FAM118B: variants seen among roughly 807,000 people sequenced by gnomAD.
FAM118B encodes protein FAM118B.
FAM118B carries 24 observed loss-of-function variants against 38.5 expected under a neutral mutation model. That is an observed-to-expected ratio of 0.62 (90% CI 0.45 to 0.88). FAM118B has a LOEUF of 0.88. Ranked by LOEUF, FAM118B falls within the 40% of genes least tolerant of loss-of-function variation. The pLI, the probability that FAM118B is intolerant of heterozygous loss-of-function variation, is 0.00. For missense variants in FAM118B, 334 were observed against 420.0 expected (o/e 0.80, Z 1.79); for synonymous variants, 138 against 156.3 (o/e 0.88, Z 0.87).
At chr11:126,248,801 T>A (rs901613522) in intron 4 of FAM118B, among the ~76,000 whole-genome samples, 5 of 152,176 alleles carry the variant, frequency 3.3e-5, no homozygotes, top group Admixed American at 3.3e-4. Context: ...CCAACACAGT[T>A]CCGTTGGGGT....
At position 126,229,287 on chromosome 11, in the gene FAM118B, TTGCAC is replaced by T. The variant is rs1950179747; in HGVS notation, c.-13_-9del. ...TGACAAAGAAAGAAGTTGTCATTCTTTGCACGGTAAAATCATCACCTCCAGTCACC... is the reference window on the plus strand; with the variant it reads ...TGACAAAGAAAGAAGTTGTCATTCTTGGTAAAATCATCACCTCCAGTCACC... On this transcript the variant is annotated splice_region_variant and 5_prime_UTR_variant, in exon 2 of 9. Coordinates refer to ENST00000533050, the MANE Select transcript of FAM118B (RefSeq NM_024556.4). 6.6e-6 allele frequency: 1 copy of T among 152,206 alleles called. No homozygotes were observed. Among genetic ancestry groups the T allele is most frequent in the Non-Finnish European group, 1.5e-5 (1 of 68,046 alleles). The allele number at this position is 152,206 out of a possible 1,614,324, so 9.4% of individuals were successfully genotyped here.
At chr11:126,220,683 G>T (rs1395460654) in intron 1 of FAM118B, among the ~76,000 whole-genome samples, 1 of 152,082 alleles carries the variant, frequency 6.6e-6, no homozygotes, top group Admixed American at 6.6e-5. Context: ...CCGTCCTGGG[G>T]AACAGAGCAA....
chr11:126,241,151 A>AT (rs1422930085), intron 4 of FAM118B, 107 bp downstream of exon 4: 1 of 1,175,030 alleles, frequency 8.5e-7, no homozygotes. Context: ...TAACAGGGAT[A>AT]TTCATTTACA....
At chr11:126,261,833 A>T (rs979324539) in intron 8 of FAM118B, among the ~76,000 whole-genome samples, 10 of 152,112 alleles carry the variant, frequency 6.6e-5, no homozygotes, top group East Asian at 3.9e-4. Flanking sequence ...TACAAAAAAA[A>T]TTTTTTTAAA....
rs575692609 is a variant in FAM118B, at chr11:126,262,148, T to C, written c.*15T>C. The C allele has an allele frequency of 1.2e-6, 2 of 1,613,894 alleles. No homozygotes were observed. Among genetic ancestry groups the C allele is most frequent in the East Asian group, 2.2e-5 (1 of 44,878 alleles). The stretch of plus-strand genomic sequence containing the variant: ...GTAGTACATGAGCGAGCTAGAGAAA[T>C]CACCACCGTTTAGACCAAGCTGTAA... On this transcript the variant is annotated 3_prime_UTR_variant, in exon 9 of 9. Coordinates refer to ENST00000533050, the MANE Select transcript of FAM118B (RefSeq NM_024556.4).
chr11:126,261,500 T>G lies in FAM118B; in HGVS notation c.1042+16T>G, dbSNP rs367770476. On this transcript the variant is annotated intron_variant, in intron 8 of 8. Transcript: ENST00000533050. ...GAAATAAGAGGTATACTGTTTCCTATTCTACTATTTATCACTCTGTAGCAG... is the reference window on the plus strand; with the variant it reads ...GAAATAAGAGGTATACTGTTTCCTAGTCTACTATTTATCACTCTGTAGCAG... 5.6e-6 allele frequency: 9 copies of G among 1,602,216 alleles called. No individual in the cohort carries two copies. Among genetic ancestry groups the G allele is most frequent in the Non-Finnish European group, 6.8e-6 (8 of 1,169,246 alleles).
intron 1 of FAM118B, among the ~76,000 whole-genome samples, chr11:126,225,267 C>T (rs1472003822): frequency 6.6e-6 from 1 of 152,212 alleles, no homozygotes; most frequent in African/African-American, 2.4e-5. Context: ...TGGCAATCCA[C>T]ATTTTCTGTT....
chr11:126,241,846 A>C (rs917950680), intron 4 of FAM118B, among the ~76,000 whole-genome samples: 12 of 151,904 alleles, frequency 7.9e-5, no homozygotes, highest in African/African-American at 2.9e-4. Context: ...CACTGCACCC[A>C]GCCTGTTTTA....
chr11:126,254,808 C>T (rs1296493803), intron 6 of FAM118B, among the ~76,000 whole-genome samples: 5 of 152,150 alleles, frequency 3.3e-5, no homozygotes, highest in African/African-American at 1.2e-4. Context: ...GCTTGGGTGA[C>T]AGAGCAAGGC....
Position 126,250,057 on chromosome 11 carries a change from C to T in FAM118B, c.340-449C>T, listed in dbSNP as rs1457417329. ...ATGTATCATCTCATCTTCCTTATTACGTTCGTATGAGATAGATAATATTTT... is the reference window on the plus strand; with the variant it reads ...ATGTATCATCTCATCTTCCTTATTATGTTCGTATGAGATAGATAATATTTT... On this transcript the variant is annotated intron_variant, in intron 4 of 8. Coordinates refer to ENST00000533050, the MANE Select transcript of FAM118B (RefSeq NM_024556.4). The surrounding 1 kb of genome is among the most constrained non-coding windows in gnomAD (Gnocchi z 5.1). 2.6e-5 allele frequency among the ~76,000 whole-genome samples: 4 copies of T among 151,392 alleles called. No individual in the cohort carries two copies. The highest frequency in any genetic ancestry group is 7.3e-5 in the African/African-American group (3 of 41,270).
rs34495134 is a variant in FAM118B at position 126,261,482 on chromosome 11, G to A, written c.1040G>A (p.Arg347Lys). 2,477 of 1,611,136 alleles carry A rather than the reference G, an allele frequency of 1.5e-3. 24 individuals are homozygous for A. In the African/African-American group the frequency reaches 0.025, roughly 16 times the overall value. Residue 347 changes from arginine (R) to lysine (K), a missense_variant and splice_region_variant, in exon 8 of 9, where the codon AGA becomes AAA. Around this residue, in one of 3 missense-constraint regions of FAM118B, gnomAD observed 88 missense variants for 98.1 expected, o/e 0.90. Transcript: ENST00000533050. ...TCATCTGCAGCACACAGTGAAATAAGAGGTATACTGTTTCCTATTCTACTA... is the reference window on the plus strand; with the variant it reads ...TCATCTGCAGCACACAGTGAAATAAAAGGTATACTGTTTCCTATTCTACTA... ...NGSSAAHSEIRGCST is the reference protein window; with the variant it reads ...NGSSAAHSEIKGCST
At chr11:126,224,668 A>G (rs1950115489) in intron 1 of FAM118B, among the ~76,000 whole-genome samples, 1 of 152,184 alleles carries the variant, frequency 6.6e-6, no homozygotes, top group Non-Finnish European at 1.5e-5. Flanking sequence ...AAACCTGTAC[A>G]GATACATAGA....
intron 3 of FAM118B, among the ~76,000 whole-genome samples, chr11:126,235,650 C>G (rs1418900938): frequency 6.6e-6 from 1 of 152,196 alleles, no homozygotes; most frequent in Non-Finnish European, 1.5e-5. Context: ...TCCTGAGTAG[C>G]TGAGATCACA....
chr11:126,216,891 CATTT>C (rs1222417338), intron 1 of FAM118B, among the ~76,000 whole-genome samples: 5 of 152,224 alleles, frequency 3.3e-5, no homozygotes, highest in African/African-American at 9.6e-5. Flanking sequence ...TGTATTCATT[CATTT>C]ATTTTCCAGC....
intron 1 of FAM118B, among the ~76,000 whole-genome samples, chr11:126,224,830 CTCAG>C (rs1026453247): frequency 2.1e-4 from 32 of 152,282 alleles, no homozygotes; most frequent in Non-Finnish European, 4.0e-4. Flanking sequence ...TGCGTTTCTC[CTCAG>C]TCAATTTCAA....
chr11:126,239,238 C>CA (rs1950323271), intron 3 of FAM118B, among the ~76,000 whole-genome samples: 2 of 152,096 alleles, frequency 1.3e-5, no homozygotes, highest in African/African-American at 4.8e-5. Flanking sequence ...GCTGAGATTA[C>CA]AGGCATGAAC....
At position 126,256,526 on chromosome 11, in the gene FAM118B, G is replaced by C; in HGVS notation, c.697-41G>C. 1 of 1,589,896 alleles carries C rather than the reference G, an allele frequency of 6.3e-7. No homozygotes were observed. Among genetic ancestry groups the C allele is most frequent in the Non-Finnish European group, 8.6e-7 (1 of 1,164,156 alleles). ...TTCTTGTTTCAGACTTGCCTTGAGT[G>C]TGTCTTCACAATGTCAATATGTTGT... On this transcript the variant is annotated intron_variant, in intron 6 of 8. Coordinates refer to ENST00000533050, the MANE Select transcript of FAM118B (RefSeq NM_024556.4). This position sits in a 1 kb window ranked among gnomAD's most constrained non-coding sequence, Gnocchi z 6.6.
At chr11:126,236,028 C>G (rs1950270168) in intron 3 of FAM118B, among the ~76,000 whole-genome samples, 1 of 152,188 alleles carries the variant, frequency 6.6e-6, no homozygotes, top group South Asian at 2.1e-4. Flanking sequence ...CTGAAACACA[C>G]CGATAACTTG....
At chr11:126,228,089 C>T (rs1028421441) in intron 1 of FAM118B, among the ~76,000 whole-genome samples, 4 of 151,696 alleles carry the variant, frequency 2.6e-5, no homozygotes, top group African/African-American at 4.8e-5. Context: ...TGAGCCACTG[C>T]GCCCAGCCAA....
Sources: gnomAD v4.1 joint callset for allele counts (sites outside exome capture counted in the v4.1 genomes callset) on GRCh38, gnomAD v4.1.1 for gene constraint, gnomAD v4.1.1 regional missense constraint, Gnocchi (gnomAD v3.1) non-coding constraint, MANE v1.5 for transcripts, NCBI Gene and HGNC (gene_info 2026-07-23, HGNC 2026-07-21) for gene names.